PLCH1: variants seen among roughly 807,000 people sequenced by gnomAD.
The protein encoded by PLCH1 is phospholipase C eta 1.
In PLCH1, 60 loss-of-function variants were observed where a neutral mutation model predicts 126.7. That is an observed-to-expected ratio of 0.47 (90% CI 0.38 to 0.59). PLCH1 has a LOEUF of 0.59. PLCH1 is among the 20% of genes least tolerant of loss of function. The pLI is 0.00. For synonymous variants in PLCH1, 719 were observed against 734.9 expected (o/e 0.98, Z 0.35); for missense variants, 1,723 against 2,040.0 (o/e 0.84, Z 2.99).
chr3:155,669,021 CAT>C (rs1160121455), intron 2 of PLCH1, among the ~76,000 whole-genome samples: 13 of 152,102 alleles, frequency 8.5e-5, no homozygotes, highest in South Asian at 2.1e-4. Context: ...TTTCTGTTTA[CAT>C]GTGTGTGTGC....
chr3:155,669,860 T>C (rs1211611784), intron 2 of PLCH1, among the ~76,000 whole-genome samples: 2 of 152,188 alleles, frequency 1.3e-5, no homozygotes, highest in Non-Finnish European at 2.9e-5. Flanking sequence ...TCACACGATG[T>C]ATAGTCTTCG....
At position 155,594,150 on chromosome 3, in the gene PLCH1, G is replaced by T. The variant is rs749601095; in HGVS notation, c.261C>A (p.Gly87=). 6.8e-6 allele frequency: 11 copies of T among 1,613,794 alleles called. No individual in the cohort carries two copies. The highest frequency in any genetic ancestry group is 9.3e-6 in the Non-Finnish European group (11 of 1,179,744). ...LIDSIYKVTE[G]RQSEIFHRQA... Reference sequence around the variant, plus strand: ...GTCTGTGGAATATTTCAGACTGCCGGCCCTCAGTCACTTTGTAAATGGAAT... The same window carrying T: ...GTCTGTGGAATATTTCAGACTGCCGTCCCTCAGTCACTTTGTAAATGGAAT... The change falls in exon 4 of 23, where the codon GGC becomes GGA. Residue 87 remains glycine (G), a synonymous_variant. Coordinates refer to ENST00000460012, the MANE Select transcript of PLCH1 (RefSeq NM_014996.4).
chr3:155,702,880 G>T (rs938870253), intron 2 of PLCH1, among the ~76,000 whole-genome samples: 5 of 152,172 alleles, frequency 3.3e-5, no homozygotes, highest in Admixed American at 3.3e-4. Flanking sequence ...CTTGGCTGAG[G>T]CTAGAGAAAA....
chr3:155,526,573 G>A (rs769958084), intron 10 of PLCH1, among the ~76,000 whole-genome samples: 3 of 151,454 alleles, frequency 2.0e-5, no homozygotes, highest in Non-Finnish European at 4.4e-5. Flanking sequence ...ACATGGCAGG[G>A]AGGTGAGAGA....
At chr3:155,520,735 TG>T in intron 11 of PLCH1, among the ~76,000 whole-genome samples, 1 of 152,368 alleles carries the variant, frequency 6.6e-6, no homozygotes, top group South Asian at 2.1e-4. Flanking sequence ...GTCTCTGAGT[TG>T]TATGATTCTT....
chr3:155,681,800 G>A (rs1032321272), intron 2 of PLCH1, among the ~76,000 whole-genome samples: 1 of 152,176 alleles, frequency 6.6e-6, no homozygotes, highest in Admixed American at 6.6e-5. Context: ...ACTCCCAAGT[G>A]GATGGTCCAG....
intron 10 of PLCH1, among the ~76,000 whole-genome samples, chr3:155,544,145 T>C (rs947598308): frequency 6.6e-6 from 1 of 152,060 alleles, no homozygotes; most frequent in African/African-American, 2.4e-5. Context: ...GAAACCCATC[T>C]CACGTGCAGA....
intron 4 of PLCH1, among the ~76,000 whole-genome samples, chr3:155,590,527 G>A (rs556198599): frequency 1.4e-4 from 20 of 145,276 alleles, no homozygotes; most frequent in South Asian, 6.7e-4. Context: ...GCAGTGAGCC[G>A]AGATCCTGCC....
chr3:155,649,437 C>A (rs1740443731), intron 2 of PLCH1, among the ~76,000 whole-genome samples: 1 of 152,142 alleles, frequency 6.6e-6, no homozygotes, highest in Admixed American at 6.5e-5. Flanking sequence ...AGGCATGTAC[C>A]CTTCAGGCAG....
At chr3:155,460,829 GAT>G in intron 21 of PLCH1, among the ~76,000 whole-genome samples, 1 of 151,698 alleles carries the variant, frequency 6.6e-6, no homozygotes, top group African/African-American at 2.4e-5. Flanking sequence ...TAGATAGATA[GAT>G]AGATAGATAG....
At chr3:155,473,373 G>A (rs1454618707) in intron 21 of PLCH1, among the ~76,000 whole-genome samples, 12 of 152,258 alleles carry the variant, frequency 7.9e-5, no homozygotes, top group Non-Finnish European at 1.8e-4. Flanking sequence ...TACAAGGGAC[G>A]TGAAGGACCT....
At chr3:155,488,584 G>C (rs1715664929) in intron 20 of PLCH1, 76 bp downstream of exon 20, 12 of 1,199,648 alleles carry the variant, frequency 1.0e-5, no homozygotes, top group Non-Finnish European at 1.3e-5. Flanking sequence ...TATTATGTAA[G>C]TAACATATCA....
intron 12 of PLCH1, among the ~76,000 whole-genome samples, chr3:155,505,913 G>A (rs1017815553): frequency 2.8e-5 from 4 of 145,276 alleles, no homozygotes; most frequent in African/African-American, 7.7e-5. Flanking sequence ...TTTTTAATCT[G>A]TGAAATGGAC....
At chr3:155,559,762 T>C (rs116384633) in intron 8 of PLCH1, among the ~76,000 whole-genome samples, 4 of 152,098 alleles carry the variant, frequency 2.6e-5, no homozygotes, top group African/African-American at 9.7e-5. Flanking sequence ...CAGAGCCAAG[T>C]AGCTTCTTTA....
intron 1 of PLCH1, among the ~76,000 whole-genome samples, chr3:155,741,128 C>A (rs898511298): frequency 3.3e-5 from 5 of 152,176 alleles, no homozygotes; most frequent in Non-Finnish European, 2.9e-5. Flanking sequence ...AAATGCACTT[C>A]TAATTTGGCA....
chr3:155,602,917 T>C (rs1733922195), intron 2 of PLCH1, among the ~76,000 whole-genome samples: 1 of 152,266 alleles, frequency 6.6e-6, no homozygotes, highest in Non-Finnish European at 1.5e-5. Flanking sequence ...TTCCTTGTTC[T>C]AGCCTTTGAA....
At chr3:155,576,596 T>A (rs1253785173) in intron 6 of PLCH1, among the ~76,000 whole-genome samples, 2 of 152,188 alleles carry the variant, frequency 1.3e-5, no homozygotes, top group African/African-American at 4.8e-5. Context: ...ATATTTCATT[T>A]CACAACTGAG....
rs200527299 is a variant in PLCH1 at position 155,568,317 on chromosome 3, T to C, written c.779A>G (p.Asn260Ser). 3 of 1,456,148 alleles carry C rather than the reference T, an allele frequency of 2.1e-6. No individual in the cohort carries two copies. The highest frequency in any genetic ancestry group is 2.9e-6 in the Non-Finnish European group (3 of 1,042,322). The allele number at this position is 1,456,148 out of a possible 1,614,324, so 90.2% of individuals were successfully genotyped here. The change falls in exon 7 of 23, where the codon AAT (asparagine) becomes AGT (serine). Residue 260 changes from asparagine to serine, a missense_variant. Coordinates refer to ENST00000460012, the MANE Select transcript of PLCH1 (RefSeq NM_014996.4). ...QFLKVEQKMNNVTTDYCLDII... is the reference protein window; with the variant it reads ...QFLKVEQKMNSVTTDYCLDII... The stretch of plus-strand genomic sequence containing the variant: ...GTCAAGACAATAGTCCGTTGTCACA[T>C]TATTCATCTAAGAAAAACAGAATAC...
intron 6 of PLCH1, among the ~76,000 whole-genome samples, chr3:155,569,229 A>G (rs921992902): frequency 3.9e-5 from 6 of 152,218 alleles, no homozygotes; most frequent in Admixed American, 1.3e-4. Context: ...TAGTCCCACA[A>G]TCTAACATTG....
Sources: allele counts gnomAD v4.1 joint callset (sites outside exome capture counted in the v4.1 genomes callset), GRCh38; gene constraint gnomAD v4.1.1; transcripts MANE v1.5; gene names NCBI Gene and HGNC (gene_info 2026-07-23, HGNC 2026-07-21).